The following SKI variants were observed in gnomAD, a reference collection of about 807,000 sequenced individuals.
The protein encoded by SKI is SKI proto-oncogene.
A neutral mutation model predicts 59.3 loss-of-function variants in SKI; 23 were observed. That is an observed-to-expected ratio of 0.39 (90% CI 0.28 to 0.55). SKI has a LOEUF of 0.55. Among genes scored for constraint, SKI ranks in the 20% least tolerant of loss-of-function variants. SKI has a pLI of 0.67. For missense variants in SKI, 1,017 were observed against 1,038.9 expected (o/e 0.98, Z 0.29); for synonymous variants, 673 against 488.6 (o/e 1.38, Z -4.98).
rs557885343 is a variant in SKI at position 2,268,749 on chromosome 1, A to G, written c.970-34229A>G. On this transcript the variant is annotated intron_variant, in intron 1 of 6. Transcript: ENST00000378536. This position sits in a 1 kb window ranked among gnomAD's most constrained non-coding sequence, Gnocchi z 5.0. ...TGTAGGTGCAGTCCAGGGAGAGGCCATGACAGGAGTGGGTGTGGGGACTGG... is the reference window on the plus strand; with the variant it reads ...TGTAGGTGCAGTCCAGGGAGAGGCCGTGACAGGAGTGGGTGTGGGGACTGG... Among the ~76,000 whole-genome samples, 2 of 152,276 alleles carry G rather than the reference A, an allele frequency of 1.3e-5. No homozygotes were observed. The highest frequency in any genetic ancestry group is 1.3e-4 in the Admixed American group (2 of 15,290).
At chr1:2,252,542 G>A (rs989234573) in intron 1 of SKI, among the ~76,000 whole-genome samples, 2 of 152,152 alleles carry the variant, frequency 1.3e-5, no homozygotes, top group African/African-American at 4.8e-5. Context: ...TTCCACACTC[G>A]AGAGAAACCT....
At chr1:2,258,316 T>A (rs1338027667) in intron 1 of SKI, among the ~76,000 whole-genome samples, 13 of 152,118 alleles carry the variant, frequency 8.5e-5, no homozygotes, top group Admixed American at 8.5e-4. Context: ...TGGGACCAGC[T>A]CAGATGCCCC....
At chr1:2,264,042 C>T (rs564297997) in intron 1 of SKI, among the ~76,000 whole-genome samples, 1 of 151,766 alleles carries the variant, frequency 6.6e-6, no homozygotes, top group Admixed American at 6.6e-5. Context: ...TGGAACTTAC[C>T]ATTAAAACCT....
In SKI at chr1:2,308,626, T is replaced by A. The variant is rs1640660636; in HGVS notation, c.*1861T>A. 20 of 152,224 alleles carry A rather than the reference T, an allele frequency of 1.3e-4. 1 individual carries two copies. The highest frequency in any genetic ancestry group is 1.3e-3 in the Admixed American group (20 of 15,288). 9.4% of individuals were successfully genotyped at this position (152,224 alleles called of 1,614,324 possible). On this transcript the variant is annotated 3_prime_UTR_variant, in exon 7 of 7. Coordinates refer to ENST00000378536, the MANE Select transcript of SKI (RefSeq NM_003036.4). ...GTTGTTTTTTTTTTCAGTTATTTCT[T>A]CAAGGGAAACTAAATGATTTAGTTG...
At chr1:2,293,906 G>T (rs1374116979) in intron 1 of SKI, among the ~76,000 whole-genome samples, 1 of 152,242 alleles carries the variant, frequency 6.6e-6, no homozygotes. Context: ...TGCAGGCGGT[G>T]GTCACCGCGC....
intron 1 of SKI, among the ~76,000 whole-genome samples, chr1:2,273,330 C>A (rs568684932): frequency 1.3e-5 from 2 of 152,130 alleles, no homozygotes; most frequent in Non-Finnish European, 2.9e-5. Flanking sequence ...GTGCCGGAGA[C>A]CCTCGGAAGT....
chr1:2,262,968 C>T (rs1211941599), intron 1 of SKI, among the ~76,000 whole-genome samples: 6 of 148,450 alleles, frequency 4.0e-5, no homozygotes, highest in African/African-American at 1.5e-4. Flanking sequence ...GGCGCTATCT[C>T]GGCTCACTGT....
At chr1:2,248,758 G>T (rs1210187116) in intron 1 of SKI, among the ~76,000 whole-genome samples, 6 of 152,214 alleles carry the variant, frequency 3.9e-5, no homozygotes, top group Admixed American at 3.9e-4. Flanking sequence ...GCAAATAGTG[G>T]TCAGTGTACT....
chr1:2,243,044 C>T (rs758743939), intron 1 of SKI, among the ~76,000 whole-genome samples: 5 of 152,266 alleles, frequency 3.3e-5, no homozygotes, highest in Non-Finnish European at 5.9e-5. Flanking sequence ...GTCACAAGGG[C>T]GTGTGAACGC....
intron 1 of SKI, among the ~76,000 whole-genome samples, chr1:2,258,815 G>A (rs1334691067): frequency 6.6e-6 from 1 of 152,130 alleles, no homozygotes; most frequent in Non-Finnish European, 1.5e-5. Context: ...CCAAAGTGCT[G>A]GGATTACAGG....
At chr1:2,276,827 C>G (rs1270964503) in intron 1 of SKI, among the ~76,000 whole-genome samples, 1 of 152,182 alleles carries the variant, frequency 6.6e-6, no homozygotes, top group African/African-American at 2.4e-5. Flanking sequence ...GCTCATAGCT[C>G]CGTTCCTGAC....
intron 1 of SKI, among the ~76,000 whole-genome samples, chr1:2,231,161 G>C (rs1169377540): frequency 1.3e-5 from 2 of 152,186 alleles, no homozygotes; most frequent in African/African-American, 4.8e-5. Context: ...CCTGTGGGCT[G>C]GGGCCTTTCT....
At position 2,230,526 on chromosome 1, in the gene SKI, C is replaced by T. The variant is rs148644634; in HGVS notation, c.969+791C>T. 8.8e-3 allele frequency among the ~76,000 whole-genome samples: 1,347 copies of T among 152,282 alleles called. 31 individuals carry two copies. Among genetic ancestry groups the T allele is most frequent in the Non-Finnish European group, 0.011 (729 of 68,026 alleles). The stretch of plus-strand genomic sequence containing the variant: ...GGCCTGCGATTTGCTTTGGACTCAC[C>T]CATTTCCTTCTCTCCCTCTGAAACG... On this transcript the variant is annotated intron_variant, in intron 1 of 6. Coordinates refer to ENST00000378536, the MANE Select transcript of SKI (RefSeq NM_003036.4).
chr1:2,237,858 G>A (rs1638785342), intron 1 of SKI, among the ~76,000 whole-genome samples: 1 of 152,246 alleles, frequency 6.6e-6, no homozygotes, highest in Non-Finnish European at 1.5e-5. Flanking sequence ...CATCCCTGAG[G>A]GCCCCGGGAG....
At chr1:2,253,325 A>G (rs1639202840) in intron 1 of SKI, among the ~76,000 whole-genome samples, 2 of 152,140 alleles carry the variant, frequency 1.3e-5, no homozygotes, top group Admixed American at 1.3e-4. Context: ...CCAGGCCGGT[A>G]TCACGGGCTC....
intron 1 of SKI, among the ~76,000 whole-genome samples, chr1:2,250,107 T>C (rs1639104249): frequency 6.6e-6 from 1 of 152,140 alleles, no homozygotes; most frequent in Non-Finnish European, 1.5e-5. Context: ...GGTTTCACCA[T>C]GTTGGCCAAG....
chr1:2,306,777 G>T lies in SKI; in HGVS notation c.*12G>T. 1 of 1,493,270 alleles carries T rather than the reference G, an allele frequency of 6.7e-7. No individual in the cohort carries two copies. The highest frequency in any genetic ancestry group is 8.9e-7 in the Non-Finnish European group (1 of 1,125,690). The allele number at this position is 1,493,270 out of a possible 1,614,324, so 92.5% of individuals were successfully genotyped here. ...AGCTGGAGCCGTAGATTCCGTGCCTGCCGCCGCAGCGCCGCCGACAACGCG... is the reference window on the plus strand; with the variant it reads ...AGCTGGAGCCGTAGATTCCGTGCCTTCCGCCGCAGCGCCGCCGACAACGCG... On this transcript the variant is annotated 3_prime_UTR_variant, in exon 7 of 7. Coordinates refer to ENST00000378536, the MANE Select transcript of SKI (RefSeq NM_003036.4).
At position 2,265,660 on chromosome 1, in the gene SKI, G is replaced by A. The variant is rs151100767; in HGVS notation, c.969+35925G>A. 2.0e-5 allele frequency among the ~76,000 whole-genome samples: 3 copies of A among 152,230 alleles called. No homozygotes were observed. In the East Asian group the frequency reaches 5.8e-4, roughly 29 times the overall value. On this transcript the variant is annotated intron_variant, in intron 1 of 6. Transcript: ENST00000378536. ...TTTGAAATGTGCCTGTTTGGGTGCT[G>A]AATGTTTTTGTATTCCTATAAATTG...
chr1:2,252,069 T>C (rs1365909267), intron 1 of SKI, among the ~76,000 whole-genome samples: 3 of 151,960 alleles, frequency 2.0e-5, no homozygotes, highest in Admixed American at 2.0e-4. Context: ...CCTCTCGGGG[T>C]TTCCTGCCAG....
Sources: gnomAD v4.1 joint callset for allele counts (sites outside exome capture counted in the v4.1 genomes callset) on GRCh38, gnomAD v4.1.1 for gene constraint, Gnocchi (gnomAD v3.1) non-coding constraint, MANE v1.5 for transcripts, NCBI Gene and HGNC (gene_info 2026-07-23, HGNC 2026-07-21) for gene names.